Variants in TLL1 observed in about 807,000 individuals in gnomAD.
TLL1 encodes tolloid like 1.
A neutral mutation model predicts 128.2 loss-of-function variants in TLL1; 49 were observed. That is an observed-to-expected ratio of 0.38 (90% confidence interval 0.30 to 0.48). The LOEUF (loss-of-function observed/expected upper bound fraction) is 0.48, where lower values mean the gene tolerates loss of function less well. Among genes scored for constraint, TLL1 ranks in the 20% least tolerant of loss-of-function variants. TLL1 has a pLI of 0.96. For synonymous variants in TLL1, 454 were observed against 418.8 expected (o/e 1.08, Z -1.03); for missense variants, 1,123 against 1,242.0 (o/e 0.90, Z 1.44).
intron 8 of TLL1, among the ~76,000 whole-genome samples, chr4:166,022,354 C>T (rs564150968): frequency 7.7e-4 from 117 of 152,044 alleles, no homozygotes; most frequent in Non-Finnish European, 1.2e-3. Flanking sequence ...TTAGTAGAGA[C>T]GGGGTTTCAC....
intron 1 of TLL1, among the ~76,000 whole-genome samples, chr4:165,946,406 G>A (rs1031383711): frequency 1.8e-4 from 28 of 151,748 alleles, no homozygotes; most frequent in Admixed American, 1.8e-3. Flanking sequence ...CATGATCATA[G>A]CTCACTGCAG....
intron 18 of TLL1, among the ~76,000 whole-genome samples, chr4:166,089,345 T>A (rs1741660047): frequency 2.6e-5 from 4 of 152,168 alleles, no homozygotes. Flanking sequence ...TGCTATTTCA[T>A]GAGAGGCAGA....
chr4:165,924,915 G>A (rs114911239), intron 1 of TLL1, among the ~76,000 whole-genome samples: 6 of 152,250 alleles, frequency 3.9e-5, no homozygotes, highest in Non-Finnish European at 8.8e-5. Context: ...CCTGTGTTCT[G>A]TATATGGAAC....
chr4:166,073,989 A>G (rs1740906824), intron 16 of TLL1, among the ~76,000 whole-genome samples: 2 of 152,190 alleles, frequency 1.3e-5, no homozygotes, highest in South Asian at 2.1e-4. Flanking sequence ...TGTCAGGAGC[A>G]ATCTGCCAGT....
At chr4:165,899,831 T>G (rs1731882711) in intron 1 of TLL1, among the ~76,000 whole-genome samples, 1 of 152,180 alleles carries the variant, frequency 6.6e-6, no homozygotes, top group Admixed American at 6.5e-5. Flanking sequence ...TGTTAAAGTC[T>G]CCCACTGTCA....
At chr4:166,086,789 C>T (rs1391878170) in intron 18 of TLL1, among the ~76,000 whole-genome samples, 1 of 152,100 alleles carries the variant, frequency 6.6e-6, no homozygotes, top group Non-Finnish European at 1.5e-5. Context: ...CTACTGACCT[C>T]CACAGCTGTA....
intron 19 of TLL1, among the ~76,000 whole-genome samples, chr4:166,096,304 T>C (rs1742017254): frequency 3.3e-5 from 5 of 151,544 alleles, no homozygotes. Context: ...GGAATGAGGG[T>C]GTGCACTGCA....
intron 1 of TLL1, among the ~76,000 whole-genome samples, chr4:165,957,338 C>A (rs1334639162): frequency 6.6e-6 from 1 of 151,956 alleles, no homozygotes; most frequent in Non-Finnish European, 1.5e-5. Flanking sequence ...TGTTACAGCA[C>A]CCAGACTTAT....
In TLL1 at chr4:165,963,054, C is replaced by CAAAAAAAA. The variant is rs869191830; in HGVS notation, c.170-26308_170-26301dup. Among the ~76,000 whole-genome samples, 29 of 18,330 alleles carry CAAAAAAAA rather than the reference C, an allele frequency of 1.6e-3. 3 individuals are homozygous for CAAAAAAAA. Among genetic ancestry groups the CAAAAAAAA allele is most frequent in the African/African-American group, 4.1e-3 (29 of 6,994 alleles). 12.0% of individuals were successfully genotyped at this position (18,330 alleles called of 152,430 possible). A position where few individuals can be genotyped will look rare whatever the true frequency, so the allele number is the denominator to read the frequency against. ...TGGGTGACAGAGCGAGGCTCTGTCT[C>CAAAAAAAA]AAAAAAAAAAAAAAAAAAAAAAAAA... On this transcript the variant is annotated intron_variant, in intron 1 of 20. Coordinates refer to ENST00000061240, the MANE Select transcript of TLL1 (RefSeq NM_012464.5).
intron 1 of TLL1, among the ~76,000 whole-genome samples, chr4:165,955,962 G>A (rs1734767085): frequency 6.6e-6 from 1 of 152,112 alleles, no homozygotes; most frequent in South Asian, 2.1e-4. Context: ...TCACATATCA[G>A]TAGGACCGTG....
In TLL1 at chr4:166,039,415, G is replaced by C. The variant is rs992740903; in HGVS notation, c.1235G>C (p.Gly412Ala). 3 of 1,612,826 alleles carry C rather than the reference G, an allele frequency of 1.9e-6. No homozygotes were observed. Among genetic ancestry groups the C allele is most frequent in the Non-Finnish European group, 2.5e-6 (3 of 1,179,146 alleles). The change falls in exon 10 of 21, where the codon GGG (glycine) becomes GCG (alanine). Residue 412 changes from glycine to alanine, a missense_variant. This residue lies in a region of TLL1 where 480 missense variants were observed against 542.4 expected (regional missense o/e 0.89). Coordinates refer to ENST00000061240, the MANE Select transcript of TLL1 (RefSeq NM_012464.5). ...TATGACTATATTGAAGTAAGAGACGGGTACTGGAGAAAATCACCTCTCCTT... is the reference window on the plus strand; with the variant it reads ...TATGACTATATTGAAGTAAGAGACGCGTACTGGAGAAAATCACCTCTCCTT... ...CWYDYIEVRD[G>A]YWRKSPLLGR...
At position 165,950,286 on chromosome 4, in the gene TLL1, C is replaced by T. The variant is rs149586621; in HGVS notation, c.170-39095C>T. Among the ~76,000 whole-genome samples, 167 of 152,094 alleles carry T rather than the reference C, an allele frequency of 1.1e-3. 1 individual carries two copies. Among genetic ancestry groups the T allele is most frequent in the Non-Finnish European group, 2.3e-3 (155 of 67,964 alleles). On this transcript the variant is annotated intron_variant, in intron 1 of 20. Transcript: ENST00000061240. ...CCACAAATTATCACAAGATATGAAGCAAGAACTGAAAAGAGAGAGAAATAC... is the reference window on the plus strand; with the variant it reads ...CCACAAATTATCACAAGATATGAAGTAAGAACTGAAAAGAGAGAGAAATAC...
intron 7 of TLL1, among the ~76,000 whole-genome samples, chr4:166,013,061 T>G (rs1259566345): frequency 6.6e-6 from 1 of 151,726 alleles, no homozygotes; most frequent in Non-Finnish European, 1.5e-5. Context: ...GCTGTTGTGT[T>G]TCTTGTTCTT....
chr4:165,891,977 G>C (rs1273603720), intron 1 of TLL1, among the ~76,000 whole-genome samples: 1 of 152,360 alleles, frequency 6.6e-6, no homozygotes, highest in Admixed American at 6.5e-5. Context: ...GTAAAGGAAA[G>C]AGGTTTAATT....
intron 1 of TLL1, among the ~76,000 whole-genome samples, chr4:165,922,396 C>A (rs1208533372): frequency 6.6e-6 from 1 of 152,096 alleles, no homozygotes; most frequent in East Asian, 1.9e-4. Flanking sequence ...CCTGTTATTA[C>A]CCTAAGGCAG....
At chr4:165,884,959 A>G (rs1731106849) in intron 1 of TLL1, among the ~76,000 whole-genome samples, 1 of 152,212 alleles carries the variant, frequency 6.6e-6, no homozygotes, top group Non-Finnish European at 1.5e-5. Flanking sequence ...TCTTAAATAC[A>G]TTTGAAGTTA....
intron 1 of TLL1, among the ~76,000 whole-genome samples, chr4:165,927,847 G>A (rs1173202043): frequency 6.6e-6 from 1 of 152,204 alleles, no homozygotes; most frequent in Non-Finnish European, 1.5e-5. Flanking sequence ...TTACAGTAGG[G>A]CTGAGGTTGA....
chr4:166,065,441 A>G (rs1740524984), intron 15 of TLL1, among the ~76,000 whole-genome samples: 1 of 151,862 alleles, frequency 6.6e-6, no homozygotes, highest in Non-Finnish European at 1.5e-5. Flanking sequence ...AGCTATATAA[A>G]AATCTCTGAA....
intron 6 of TLL1, among the ~76,000 whole-genome samples, chr4:166,007,336 G>A (rs1737485896): frequency 1.3e-5 from 2 of 151,720 alleles, no homozygotes; most frequent in South Asian, 2.1e-4. Context: ...TCTGAAGCAT[G>A]TTCTTCTTAA....
Sources: allele counts gnomAD v4.1 joint callset (sites outside exome capture counted in the v4.1 genomes callset), GRCh38; gene constraint gnomAD v4.1.1; regional missense constraint gnomAD v4.1.1; transcripts MANE v1.5; gene names NCBI Gene and HGNC (gene_info 2026-07-23, HGNC 2026-07-21).